The following LRRC4C variants were observed in gnomAD, a reference collection of about 807,000 sequenced individuals.
LRRC4C encodes leucine-rich repeat-containing protein 4C.
LRRC4C carries 5 observed loss-of-function variants against 33.6 expected under a neutral mutation model. The observed-to-expected ratio is 0.15, with a 90% CI of 0.08 to 0.31. LRRC4C has a LOEUF of 0.31. LRRC4C is among the 10% of genes least tolerant of loss of function. LRRC4C has a pLI of 1.00. For missense variants in LRRC4C, 560 were observed against 796.7 expected, an observed-to-expected ratio of 0.70 and a Z score of 3.58; for synonymous variants, 329 against 302.0, an observed-to-expected ratio of 1.09 and a Z score of -0.93.
chr11:41,130,718 T>G (rs908306144), intron 1 of LRRC4C, among the ~76,000 whole-genome samples: 2 of 152,044 alleles, frequency 1.3e-5, no homozygotes, highest in Admixed American at 1.3e-4. Flanking sequence ...TTTTAAAGTA[T>G]GAATTTACCA....
At chr11:40,489,010 A>G (rs895855665) in intron 3 of LRRC4C, among the ~76,000 whole-genome samples, 7 of 152,052 alleles carry the variant, frequency 4.6e-5, no homozygotes, top group Non-Finnish European at 8.8e-5. Context: ...TGGTGCTGCA[A>G]TTTACTCACT....
At chr11:40,527,143 C>T (rs1254425125) in intron 3 of LRRC4C, among the ~76,000 whole-genome samples, 1 of 152,070 alleles carries the variant, frequency 6.6e-6, no homozygotes, top group African/African-American at 2.4e-5. Context: ...CAAAAGTAGA[C>T]AGATAGGACA....
intron 3 of LRRC4C, among the ~76,000 whole-genome samples, chr11:40,646,502 C>G (rs1942464054): frequency 6.6e-6 from 1 of 152,092 alleles, no homozygotes; most frequent in African/African-American, 2.4e-5. Flanking sequence ...ACAAAAGAGC[C>G]TAAGGAAACA....
At chr11:40,345,806 A>C (rs951154887) in intron 3 of LRRC4C, among the ~76,000 whole-genome samples, 1 of 152,220 alleles carries the variant, frequency 6.6e-6, no homozygotes, top group South Asian at 2.1e-4. Flanking sequence ...TGTATTGGAC[A>C]AAGTGGTAAT....
At chr11:40,262,056 G>A (rs1941885674) in intron 4 of LRRC4C, among the ~76,000 whole-genome samples, 1 of 152,054 alleles carries the variant, frequency 6.6e-6, no homozygotes, top group African/African-American at 2.4e-5. Flanking sequence ...CTACAGAATG[G>A]GAGAAAATTT....
At chr11:40,227,270 T>G (rs1864871116) in intron 5 of LRRC4C, among the ~76,000 whole-genome samples, 1 of 152,190 alleles carries the variant, frequency 6.6e-6, no homozygotes, top group African/African-American at 2.4e-5. Context: ...CTCCTCCCAG[T>G]GGATTATGAG....
chr11:40,603,736 T>TTATC (rs1156377391), intron 3 of LRRC4C, among the ~76,000 whole-genome samples: 21 of 152,326 alleles, frequency 1.4e-4, no homozygotes, highest in Admixed American at 1.2e-3. Flanking sequence ...AAGAGCCAAT[T>TTATC]TATCTGTAAT....
At chr11:40,178,634 G>A (rs561484386) in intron 5 of LRRC4C, among the ~76,000 whole-genome samples, 1 of 152,178 alleles carries the variant, frequency 6.6e-6, no homozygotes, top group Non-Finnish European at 1.5e-5. Context: ...ACAAGGGCTT[G>A]TACTACAAAA....
At chr11:40,346,418 A>C (rs1047941415) in intron 3 of LRRC4C, among the ~76,000 whole-genome samples, 4 of 152,212 alleles carry the variant, frequency 2.6e-5, no homozygotes, top group African/African-American at 9.6e-5. Flanking sequence ...AAGGAGCTAG[A>C]GGCCATTATT....
chr11:40,755,912 C>T (rs1948924843), intron 2 of LRRC4C, among the ~76,000 whole-genome samples: 1 of 152,096 alleles, frequency 6.6e-6, no homozygotes, highest in Admixed American at 6.6e-5. Flanking sequence ...CCCAGTATTT[C>T]AGAATGTGAC....
intron 3 of LRRC4C, among the ~76,000 whole-genome samples, chr11:40,341,877 T>C (rs1352231278): frequency 6.6e-6 from 1 of 152,116 alleles, no homozygotes; most frequent in African/African-American, 2.4e-5. Flanking sequence ...TTAGAAAATA[T>C]GGGATGACAT....
At chr11:40,979,167 T>C (rs1012390282) in intron 1 of LRRC4C, among the ~76,000 whole-genome samples, 5 of 152,164 alleles carry the variant, frequency 3.3e-5, no homozygotes, top group African/African-American at 1.2e-4. Flanking sequence ...TGAGATTTGT[T>C]CCTTTTGCCA....
intron 1 of LRRC4C, among the ~76,000 whole-genome samples, chr11:40,942,064 T>C (rs1168851617): frequency 3.9e-5 from 6 of 151,968 alleles, no homozygotes; most frequent in Non-Finnish European, 8.8e-5. Context: ...ATGTCTGACA[T>C]GTGTGAAGGA....
intron 3 of LRRC4C, among the ~76,000 whole-genome samples, chr11:40,621,495 CCTATA>C (rs1962445627): frequency 6.6e-6 from 1 of 151,484 alleles, no homozygotes; most frequent in African/African-American, 2.4e-5. Context: ...CAGTTAAAAC[CCTATA>C]CTGTTATAAA....
chr11:40,371,689 G>A (rs1948455768), intron 3 of LRRC4C, among the ~76,000 whole-genome samples: 1 of 152,158 alleles, frequency 6.6e-6, no homozygotes, highest in South Asian at 2.1e-4. Context: ...ATCAGACAAA[G>A]CCTATGGTTT....
intron 1 of LRRC4C, among the ~76,000 whole-genome samples, chr11:41,304,985 G>A (rs1293119863): frequency 2.1e-5 from 2 of 95,272 alleles, no homozygotes; most frequent in Non-Finnish European, 4.2e-5. Context: ...CTGCCCGGCC[G>A]CCCCTACTGG....
intron 3 of LRRC4C, among the ~76,000 whole-genome samples, chr11:40,348,777 C>T (rs1947252008): frequency 6.6e-6 from 1 of 152,078 alleles, no homozygotes. Flanking sequence ...TTATACAACA[C>T]ATAAAGACCT....
At chr11:40,308,418 A>C (rs1945143499) in intron 4 of LRRC4C, among the ~76,000 whole-genome samples, 1 of 152,116 alleles carries the variant, frequency 6.6e-6, no homozygotes, top group Non-Finnish European at 1.5e-5. Flanking sequence ...ACCTCCCCAA[A>C]ATGTCCATAT....
At chr11:40,960,701 T>C (rs1449248607) in intron 1 of LRRC4C, among the ~76,000 whole-genome samples, 3 of 151,756 alleles carry the variant, frequency 2.0e-5, no homozygotes, top group Non-Finnish European at 4.4e-5. Flanking sequence ...GCTCAAGGTA[T>C]ATCTTAGTTG....
Sources: allele counts gnomAD v4.1 joint callset (sites outside exome capture counted in the v4.1 genomes callset), GRCh38; gene constraint gnomAD v4.1.1; transcripts MANE v1.5; gene names NCBI Gene and HGNC (gene_info 2026-07-23, HGNC 2026-07-21).